KIAA1217: variants seen among roughly 807,000 people sequenced by gnomAD.
The protein encoded by KIAA1217 is sickle tail protein homolog.
A neutral mutation model predicts 163.9 loss-of-function variants in KIAA1217; 88 were observed. That is an observed-to-expected ratio of 0.54 (90% CI 0.45 to 0.64). KIAA1217 has a LOEUF of 0.64. KIAA1217 is among the 30% of genes least tolerant of loss of function. The probability of loss-of-function intolerance (pLI) is 0.00; values close to 1 mark genes in which losing one functional copy is unlikely to be tolerated. For missense variants in KIAA1217, 2,372 were observed against 2,475.0 expected (o/e 0.96, Z 0.88); for synonymous variants, 903 against 923.1 (o/e 0.98, Z 0.39).
At chr10:23,818,765 G>A (rs190411258) in intron 1 of KIAA1217, among the ~76,000 whole-genome samples, 1 of 152,256 alleles carries the variant, frequency 6.6e-6, no homozygotes, top group East Asian at 1.9e-4. Context: ...GGGAAGGGTT[G>A]GGGGAAAGGG....
intron 2 of KIAA1217, among the ~76,000 whole-genome samples, chr10:24,100,943 C>T (rs2062389079): frequency 1.3e-5 from 2 of 152,026 alleles, no homozygotes; most frequent in South Asian, 4.1e-4. Flanking sequence ...AAAAATATGC[C>T]CAAGGAACCT....
intron 12 of KIAA1217, among the ~76,000 whole-genome samples, chr10:24,523,863 G>A (rs1325314603): frequency 8.5e-5 from 13 of 152,176 alleles, no homozygotes; most frequent in Admixed American, 3.9e-4. Context: ...GTTAGATTTC[G>A]AGTCACTGTG....
intron 8 of KIAA1217, among the ~76,000 whole-genome samples, chr10:24,498,561 G>A (rs919837110): frequency 2.4e-4 from 37 of 152,226 alleles, no homozygotes; most frequent in African/African-American, 6.5e-4. Context: ...GGTGACCCAC[G>A]CCTATAATCC....
intron 3 of KIAA1217, among the ~76,000 whole-genome samples, chr10:24,391,647 G>A (rs1425573663): frequency 6.6e-6 from 1 of 152,016 alleles, no homozygotes; most frequent in Non-Finnish European, 1.5e-5. Context: ...ACTTGGCCTA[G>A]GTTCTCCTGT....
chr10:24,061,445 A>G (rs1458944793), intron 2 of KIAA1217, among the ~76,000 whole-genome samples: 1 of 152,232 alleles, frequency 6.6e-6, no homozygotes, highest in African/African-American at 2.4e-5. Context: ...CAGTAATAAC[A>G]GTATTCTCTA....
intron 3 of KIAA1217, among the ~76,000 whole-genome samples, chr10:24,411,169 C>A (rs2057738697): frequency 6.6e-6 from 1 of 152,114 alleles, no homozygotes; most frequent in African/African-American, 2.4e-5. Context: ...TCCTGACATG[C>A]AATTGCTCTT....
Position 24,521,823 on chromosome 10 carries a change from C to T in KIAA1217, c.2350C>T (p.Arg784Cys), listed in dbSNP as rs1473223210. 60 of 1,613,596 alleles carry T rather than the reference C, an allele frequency of 3.7e-5. No homozygotes were observed. Among genetic ancestry groups the T allele is most frequent in the Non-Finnish European group, 4.9e-5 (58 of 1,180,032 alleles). ...ACAAAACAAGATGCGAGCCATCCTGCGCATAGAAGTGGAGGCCGTGCGGTT... is the reference window on the plus strand; with the variant it reads ...ACAAAACAAGATGCGAGCCATCCTGTGCATAGAAGTGGAGGCCGTGCGGTT... ...TLQNKMRAILRIEVEAVRFLK... is the reference protein window; with the variant it reads ...TLQNKMRAILCIEVEAVRFLK... The change falls in exon 12 of 21, where the codon CGC becomes TGC. Residue 784 changes from arginine (R) to cysteine (C), a missense_variant. Physicochemically the swap from Arg to Cys is radical, Grantham distance 180. Coordinates refer to ENST00000376454, the MANE Select transcript of KIAA1217 (RefSeq NM_019590.5).
chr10:24,542,541 A>C lies in KIAA1217; in HGVS notation c.3535-152A>C, dbSNP rs2075243598. ...GGCAGTTGGAGAACAAAGCAATCCA[A>C]GGTAAACAGCTGTAGGCTTTGGATT... On this transcript the variant is annotated intron_variant, in intron 17 of 20. Coordinates refer to ENST00000376454, the MANE Select transcript of KIAA1217 (RefSeq NM_019590.5). 4 of 1,466,078 alleles carry C rather than the reference A, an allele frequency of 2.7e-6. No homozygotes were observed. In the East Asian group the frequency reaches 9.9e-5, roughly 36 times the overall value. 90.8% of individuals were successfully genotyped at this position (1,466,078 alleles called of 1,614,324 possible).
chr10:23,961,845 C>T (rs748603592), intron 1 of KIAA1217, among the ~76,000 whole-genome samples: 2 of 152,164 alleles, frequency 1.3e-5, no homozygotes, highest in Non-Finnish European at 2.9e-5. Context: ...CCAGACCTCT[C>T]TCCTTGGTTT....
chr10:23,837,623 T>C (rs1165210586), intron 1 of KIAA1217, among the ~76,000 whole-genome samples: 6 of 152,186 alleles, frequency 3.9e-5, no homozygotes, highest in Non-Finnish European at 7.3e-5. Flanking sequence ...AGCCTCAACT[T>C]CCTGGGCTGA....
intron 1 of KIAA1217, among the ~76,000 whole-genome samples, chr10:23,717,523 C>T (rs1837646935): frequency 6.6e-6 from 1 of 152,106 alleles, no homozygotes; most frequent in African/African-American, 2.4e-5. Flanking sequence ...ATGGAATATA[C>T]ATACATTGCT....
intron 5 of KIAA1217, among the ~76,000 whole-genome samples, chr10:24,443,922 C>A (rs2060704350): frequency 6.6e-6 from 1 of 152,002 alleles, no homozygotes; most frequent in Admixed American, 6.6e-5. Context: ...TGAAAAATGT[C>A]AAAGCTGGAT....
intron 6 of KIAA1217, among the ~76,000 whole-genome samples, chr10:24,479,346 C>G (rs10508676): frequency 6.6e-6 from 1 of 152,120 alleles, no homozygotes; most frequent in Non-Finnish European, 1.5e-5. Context: ...ATGTTCACTG[C>G]GACTGGAAGA....
rs745995330 is a variant in KIAA1217 at position 24,531,805 on chromosome 10, C to A, written c.3083-25C>A. 3.3e-6 allele frequency: 5 copies of A among 1,533,990 alleles called. No individual in the cohort carries two copies. The African/African-American group carries it at 4.1e-5, about 13-fold the overall frequency. ...GATGTTTTCTTGAAAAAAGATTATT[C>A]TTGTAATGGTGCACTGTTTTCCAGA... On this transcript the variant is annotated intron_variant, in intron 14 of 20. Coordinates refer to ENST00000376454, the MANE Select transcript of KIAA1217 (RefSeq NM_019590.5).
chr10:23,846,546 G>A (rs1839040433), intron 1 of KIAA1217, among the ~76,000 whole-genome samples: 1 of 151,930 alleles, frequency 6.6e-6, no homozygotes, highest in Admixed American at 6.6e-5. Flanking sequence ...TGTTCTTGGT[G>A]TTGTATAGGA....
At chr10:23,723,292 C>T (rs1255363164) in intron 1 of KIAA1217, among the ~76,000 whole-genome samples, 1 of 152,092 alleles carries the variant, frequency 6.6e-6, no homozygotes, top group Non-Finnish European at 1.5e-5. Context: ...TACAGCTTCT[C>T]TAGCTCTCTT....
At chr10:24,070,055 G>A (rs2061125644) in intron 2 of KIAA1217, among the ~76,000 whole-genome samples, 1 of 152,094 alleles carries the variant, frequency 6.6e-6, no homozygotes, top group African/African-American at 2.4e-5. Flanking sequence ...GCCCAGACTT[G>A]TCTCAAACTC....
intron 2 of KIAA1217, among the ~76,000 whole-genome samples, chr10:24,067,678 A>T (rs1387490482): frequency 1.3e-5 from 2 of 152,230 alleles, no homozygotes; most frequent in East Asian, 3.9e-4. Flanking sequence ...GCTGTCAGAC[A>T]GGGACATTTA....
chr10:24,279,236 TG>T (rs1199634048), intron 2 of KIAA1217, among the ~76,000 whole-genome samples: 1 of 138,246 alleles, frequency 7.2e-6, no homozygotes, highest in East Asian at 2.4e-4. Flanking sequence ...TTCTAGTGTC[TG>T]TTTTTTTTTT....
Sources: gnomAD v4.1 joint callset for allele counts (sites outside exome capture counted in the v4.1 genomes callset) on GRCh38, gnomAD v4.1.1 for gene constraint, MANE v1.5 for transcripts, NCBI Gene and HGNC (gene_info 2026-07-23, HGNC 2026-07-21) for gene names.